Variants in NFATC3 observed in about 807,000 individuals in gnomAD.
NFATC3 encodes nuclear factor of activated T cells 3.
NFATC3 carries 46 observed loss-of-function variants against 98.6 expected under a neutral mutation model. The observed-to-expected ratio is 0.47, with a 90% confidence interval of 0.37 to 0.60. The LOEUF (loss-of-function observed/expected upper bound fraction) is 0.60. NFATC3 is among the 20% of genes least tolerant of loss of function. NFATC3 has a pLI of 0.00. For synonymous variants in NFATC3, 512 were observed against 472.2 expected, an observed-to-expected ratio of 1.08 and a Z score of -1.09; for missense variants, 1,256 against 1,295.5, an observed-to-expected ratio of 0.97 and a Z score of 0.47.
chr16:68,192,230 A>AAAAAATATATATAT (rs1555522047), intron 9 of NFATC3: 1 of 82,600 alleles, frequency 1.2e-5, no homozygotes, highest in African/African-American at 5.7e-5. Context: ...AAAAAAAAAA[A>AAAAAATATATATAT]ATATATATAT....
Position 68,226,371 on chromosome 16 carries a change from A to G in NFATC3, c.3128A>G (p.Asp1043Gly). ...TCAGTGAACGAGATAATTGGGAGAG[A>G]CATGTCCCAGATTTCTGTTTCCCAA... ...LDDVNEIIGR[D>G]MSQISVSQGA... Residue 1043 changes from aspartate (D) to glycine (G), a missense_variant, in exon 10 of 10, where the codon GAC becomes GGC. Asp to Gly is a moderately conservative substitution (Grantham distance 94). Transcript: ENST00000346183. The G allele has an allele frequency of 6.4e-7, 1 of 1,570,012 alleles. No homozygotes were observed. The highest frequency in any genetic ancestry group is 8.6e-7 in the Non-Finnish European group (1 of 1,163,110).
At chr16:68,145,237 A>G (rs2151549346) in intron 3 of NFATC3, among the ~76,000 whole-genome samples, 1 of 151,558 alleles carries the variant, frequency 6.6e-6, no homozygotes, top group South Asian at 2.1e-4. Flanking sequence ...TCAGACTCAC[A>G]GGCCCAAGCC....
chr16:68,184,612 G>A lies in NFATC3; in HGVS notation c.2098+1246G>A, dbSNP rs370219422. Among the ~76,000 whole-genome samples, 277 of 152,144 alleles carry A rather than the reference G, an allele frequency of 1.8e-3. 4 individuals carry two copies. The highest frequency in any genetic ancestry group is 6.3e-3 in the African/African-American group (261 of 41,520). On this transcript the variant is annotated intron_variant, in intron 8 of 9. Transcript: ENST00000346183. Reference sequence around the variant, plus strand: ...AGGTCAGGAGATCGAGACCATCCTGGCTAACATGGTGAAACCCCGTCTCTA... The same window carrying A: ...AGGTCAGGAGATCGAGACCATCCTGACTAACATGGTGAAACCCCGTCTCTA...
chr16:68,137,369 A>C (rs917663194), intron 3 of NFATC3, among the ~76,000 whole-genome samples: 1 of 152,148 alleles, frequency 6.6e-6, no homozygotes, highest in East Asian at 1.9e-4. Context: ...AGATGTCACT[A>C]GGCAATAGGA....
chr16:68,093,772 C>T (rs535157191), intron 1 of NFATC3, among the ~76,000 whole-genome samples: 1 of 152,282 alleles, frequency 6.6e-6, no homozygotes, highest in East Asian at 1.9e-4. Context: ...GGTATTTGAA[C>T]TTTGGTTTTC....
At chr16:68,119,614 A>C (rs952475572) in intron 1 of NFATC3, among the ~76,000 whole-genome samples, 1 of 152,078 alleles carries the variant, frequency 6.6e-6, no homozygotes, top group Non-Finnish European at 1.5e-5. Context: ...TATGCCCCTA[A>C]ATTTCTGTAT....
intron 9 of NFATC3, among the ~76,000 whole-genome samples, chr16:68,203,665 T>A (rs1218151068): frequency 1.3e-5 from 2 of 152,046 alleles, no homozygotes; most frequent in Admixed American, 1.3e-4. Context: ...AAATATAATT[T>A]ATACATAAGC....
chr16:68,183,093 A>C, intron 7 of NFATC3, 147 bp from the exon 8 acceptor site: 1 of 763,080 alleles, frequency 1.3e-6, no homozygotes, highest in South Asian at 2.2e-5. Flanking sequence ...CCCTTTAGTA[A>C]ATCTCCAGAT....
In NFATC3 at chr16:68,122,248, A is replaced by G; in HGVS notation, c.365A>G (p.Gln122Arg). The G allele has an allele frequency of 2.5e-6, 4 of 1,614,104 alleles. No individual in the cohort carries two copies. The highest frequency in any genetic ancestry group is 3.4e-6 in the Non-Finnish European group (4 of 1,180,024). Residue 122 changes from glutamine (Q) to arginine (R), a missense_variant, in exon 2 of 10, where the codon CAA becomes CGA. Coordinates refer to ENST00000346183, the MANE Select transcript of NFATC3 (RefSeq NM_173165.3). ...QITSISPNCH[Q>R]ELDAHEDDLQ... The stretch of plus-strand genomic sequence containing the variant: ...ACATCTATCTCTCCTAACTGTCATC[A>G]AGAATTAGATGCACATGAAGATGAC...
intron 3 of NFATC3, among the ~76,000 whole-genome samples, chr16:68,147,825 T>A (rs2038113561): frequency 6.6e-6 from 1 of 150,636 alleles, no homozygotes; most frequent in African/African-American, 2.5e-5. Context: ...AACCACTCTC[T>A]ACCTTCATTT....
chr16:68,167,088 T>C, intron 5 of NFATC3, 73 bp downstream of exon 5: 1 of 1,482,180 alleles, frequency 6.7e-7, no homozygotes, highest in Non-Finnish European at 9.2e-7. Context: ...TATAATGTAA[T>C]GTATGCGTCT....
rs570142704 is a variant in NFATC3, at chr16:68,137,393, G to A, written c.1401+10783G>A. Reference sequence around the variant, plus strand: ...TAGGCAATAGGACTTTTTCAGCTCTGTTGTTACCTGTGGGACCACCATTAT... The same window carrying A: ...TAGGCAATAGGACTTTTTCAGCTCTATTGTTACCTGTGGGACCACCATTAT... On this transcript the variant is annotated intron_variant, in intron 3 of 9. Transcript: ENST00000346183. Among the ~76,000 whole-genome samples, 15 of 152,178 alleles carry A rather than the reference G, an allele frequency of 9.9e-5. No homozygotes were observed. The East Asian group carries it at 2.3e-3, about 23-fold the overall frequency.
intron 1 of NFATC3, among the ~76,000 whole-genome samples, chr16:68,105,092 T>G (rs982321601): frequency 3.8e-5 from 5 of 133,310 alleles, no homozygotes; most frequent in African/African-American, 1.2e-4. Context: ...ACTGTGTGGG[T>G]TTTTTTTTTT....
rs771625672 is a variant in NFATC3 at position 68,227,509 on chromosome 16, G to A, written c.*1038G>A. On this transcript the variant is annotated 3_prime_UTR_variant, in exon 10 of 10. Coordinates refer to ENST00000346183, the MANE Select transcript of NFATC3 (RefSeq NM_173165.3). ...TGAGCAGTACATCAGCATGGGCAGA[G>A]AAAATACAGGACTCCAGATGGGAAG... 5 of 152,250 alleles carry A rather than the reference G, an allele frequency of 3.3e-5. No homozygotes were observed. The highest frequency in any genetic ancestry group is 7.3e-5 in the Non-Finnish European group (5 of 68,074). 9.4% of individuals were successfully genotyped at this position (152,250 alleles called of 1,614,324 possible). A position where few individuals can be genotyped will look rare whatever the true frequency, so the allele number is the denominator to read the frequency against.
At chr16:68,188,524 A>T (rs1393334867) in intron 8 of NFATC3, among the ~76,000 whole-genome samples, 1 of 152,220 alleles carries the variant, frequency 6.6e-6, no homozygotes, top group Non-Finnish European at 1.5e-5. Flanking sequence ...CACTGCAGCC[A>T]GGGTCATGGC....
Position 68,144,958 on chromosome 16 carries a change from G to T in NFATC3, c.1402-12911G>T, listed in dbSNP as rs1399383773. Among the ~76,000 whole-genome samples, 3 of 151,966 alleles carry T rather than the reference G, an allele frequency of 2.0e-5. No individual in the cohort carries two copies. In the South Asian group the frequency reaches 6.2e-4, roughly 32 times the overall value. On this transcript the variant is annotated intron_variant, in intron 3 of 9. Transcript: ENST00000346183. ...CAGGTATGAGCCACCGCACATGGCT[G>T]CCTCAACCTGATTTTTAAAAATTTT...
intron 3 of NFATC3, among the ~76,000 whole-genome samples, chr16:68,156,090 C>T (rs577612240): frequency 6.6e-6 from 1 of 152,078 alleles, no homozygotes; most frequent in South Asian, 2.1e-4. Flanking sequence ...AGGGGTGGAT[C>T]GCCTGAGGTC....
chr16:68,092,321 G>A (rs2034757726), intron 1 of NFATC3, among the ~76,000 whole-genome samples: 1 of 151,658 alleles, frequency 6.6e-6, no homozygotes, highest in Admixed American at 6.6e-5. Context: ...GCTGGATGTG[G>A]TGGCGGGCGC....
chr16:68,160,810 A>C (rs558134565), intron 4 of NFATC3, among the ~76,000 whole-genome samples: 3 of 152,146 alleles, frequency 2.0e-5, no homozygotes, highest in Non-Finnish European at 4.4e-5. Context: ...TCAGCCACCC[A>C]AGTAGCTGAG....
Sources: allele counts gnomAD v4.1 joint callset (sites outside exome capture counted in the v4.1 genomes callset), GRCh38; gene constraint gnomAD v4.1.1; transcripts MANE v1.5; gene names NCBI Gene and HGNC (gene_info 2026-07-23, HGNC 2026-07-21).